Variants in SPATA16 observed in about 807,000 individuals in gnomAD.
The protein encoded by SPATA16 is spermatogenesis-associated protein 16.
A neutral mutation model predicts 63.3 loss-of-function variants in SPATA16; 36 were observed. That is an observed-to-expected ratio of 0.57 (90% CI 0.44 to 0.75). The LOEUF (loss-of-function observed/expected upper bound fraction) is 0.75. Among genes scored for constraint, SPATA16 ranks in the 30% least tolerant of loss-of-function variants. The pLI is 0.00. For synonymous variants in SPATA16, 203 were observed against 216.7 expected (o/e 0.94, Z 0.56); for missense variants, 646 against 679.3 (o/e 0.95, Z 0.54).
intron 10 of SPATA16, among the ~76,000 whole-genome samples, chr3:172,892,881 G>A (rs1194294164): frequency 1.3e-5 from 2 of 152,144 alleles, no homozygotes; most frequent in African/African-American, 4.8e-5. Flanking sequence ...TGAAAAATGG[G>A]CAGATAACTT....
In SPATA16 at chr3:172,956,794, C is replaced by T; in HGVS notation, c.964G>A (p.Glu322Lys). 6.2e-7 allele frequency: 1 copy of T among 1,613,354 alleles called. No homozygotes were observed. The highest frequency in any genetic ancestry group is 8.5e-7 in the Non-Finnish European group (1 of 1,179,558). Residue 322 changes from glutamate to lysine, a missense_variant, in exon 6 of 11, where the codon GAA becomes AAA. Transcript: ENST00000351008. ...AMIEEAITRA[E>K]SFSVMYTPFA... is the part of the protein sequence containing the mutation. ...GGTGTGTACATAACCGAGAAAGATTCAGCTCTGGTGATGGCTTCCTCAATC... is the reference window on the plus strand; with the variant it reads ...GGTGTGTACATAACCGAGAAAGATTTAGCTCTGGTGATGGCTTCCTCAATC...
chr3:172,937,093 G>A (rs1733016026), intron 6 of SPATA16, among the ~76,000 whole-genome samples: 1 of 152,154 alleles, frequency 6.6e-6, no homozygotes, highest in Non-Finnish European at 1.5e-5. Context: ...CGAACACCTA[G>A]TTAGTGTCAG....
chr3:172,917,382 G>A (rs922504369), intron 8 of SPATA16, among the ~76,000 whole-genome samples: 11 of 152,138 alleles, frequency 7.2e-5, no homozygotes, highest in African/African-American at 2.7e-4. Context: ...CATTTAGAGG[G>A]TGATGAGAAA....
At chr3:172,932,351 A>G (rs1253331265) in intron 6 of SPATA16, among the ~76,000 whole-genome samples, 1 of 152,084 alleles carries the variant, frequency 6.6e-6, no homozygotes, top group Non-Finnish European at 1.5e-5. Flanking sequence ...TGTCTGTGTC[A>G]TTTCCCTGAA....
intron 4 of SPATA16, among the ~76,000 whole-genome samples, chr3:172,981,841 G>A (rs1203783145): frequency 1.3e-5 from 2 of 152,166 alleles, no homozygotes; most frequent in Non-Finnish European, 2.9e-5. Context: ...TATAAATAAC[G>A]TGTTAACGGA....
At chr3:172,943,148 TA>T (rs1560074253) in intron 6 of SPATA16, among the ~76,000 whole-genome samples, 2 of 151,826 alleles carry the variant, frequency 1.3e-5, no homozygotes, top group Non-Finnish European at 2.9e-5. Flanking sequence ...AAACAGGACA[TA>T]AAAGAAATAA....
At chr3:173,030,869 C>T (rs1735588545) in intron 3 of SPATA16, among the ~76,000 whole-genome samples, 1 of 151,976 alleles carries the variant, frequency 6.6e-6, no homozygotes, top group Non-Finnish European at 1.5e-5. Flanking sequence ...AACATGGTAT[C>T]TAACATACAA....
intron 4 of SPATA16, among the ~76,000 whole-genome samples, chr3:173,010,435 C>CGTGTGTGCGTGT (rs1735042433): frequency 7.1e-6 from 1 of 141,310 alleles, no homozygotes; most frequent in Non-Finnish European, 1.5e-5. Context: ...CACGTTGTGG[C>CGTGTGTGCGTGT]GTGTGTGTGT....
intron 5 of SPATA16, among the ~76,000 whole-genome samples, chr3:172,974,549 A>G (rs544588445): frequency 2.0e-4 from 30 of 152,086 alleles, no homozygotes; most frequent in African/African-American, 6.5e-4. Context: ...GAATGTATAC[A>G]TTTGAATCAA....
chr3:173,032,689 A>G (rs1735633891), intron 3 of SPATA16, among the ~76,000 whole-genome samples: 2 of 152,128 alleles, frequency 1.3e-5, no homozygotes, highest in African/African-American at 2.4e-5. Context: ...CATGCAGTGA[A>G]ATGCCTTCTT....
chr3:173,012,763 A>G (rs139085773), intron 4 of SPATA16, among the ~76,000 whole-genome samples: 1 of 152,260 alleles, frequency 6.6e-6, no homozygotes, highest in African/African-American at 2.4e-5. Flanking sequence ...CTTTCACCAT[A>G]CACAAAAATT....
chr3:173,131,074 C>G (rs1322885611), intron 1 of SPATA16, among the ~76,000 whole-genome samples: 3 of 152,144 alleles, frequency 2.0e-5, no homozygotes, highest in African/African-American at 4.8e-5. Flanking sequence ...TATTTGAGGA[C>G]TGATTGCATA....
chr3:173,096,865 AT>A (rs552951369), intron 2 of SPATA16, among the ~76,000 whole-genome samples: 245 of 152,242 alleles, frequency 1.6e-3, no homozygotes, highest in African/African-American at 5.6e-3. Flanking sequence ...ATGATGGAAT[AT>A]TATACAATCA....
At chr3:173,077,358 T>A (rs1736831919) in intron 2 of SPATA16, among the ~76,000 whole-genome samples, 1 of 152,114 alleles carries the variant, frequency 6.6e-6, no homozygotes. Context: ...TTTAAATACT[T>A]TAGGAGAAAA....
intron 2 of SPATA16, among the ~76,000 whole-genome samples, chr3:173,065,641 A>C (rs1249109380): frequency 1.3e-5 from 2 of 151,854 alleles, no homozygotes; most frequent in African/African-American, 4.8e-5. Flanking sequence ...TGCCTACACC[A>C]CTCCTCCTCC....
intron 4 of SPATA16, among the ~76,000 whole-genome samples, chr3:172,982,066 TG>T (rs1348624406): frequency 6.6e-6 from 1 of 152,230 alleles, no homozygotes; most frequent in Non-Finnish European, 1.5e-5. Context: ...GAATGGTGCC[TG>T]GCATGGTAGT....
intron 2 of SPATA16, among the ~76,000 whole-genome samples, chr3:173,064,402 T>C (rs1448153509): frequency 2.6e-5 from 4 of 151,882 alleles, no homozygotes; most frequent in Middle Eastern, 3.2e-3. Flanking sequence ...ATCACTTGAT[T>C]TTAATCCCAG....
At chr3:172,989,751 T>C (rs1734534745) in intron 4 of SPATA16, among the ~76,000 whole-genome samples, 1 of 152,190 alleles carries the variant, frequency 6.6e-6, no homozygotes, top group African/African-American at 2.4e-5. Flanking sequence ...GTCTTAACAC[T>C]GATAGTTTGG....
intron 3 of SPATA16, among the ~76,000 whole-genome samples, chr3:173,040,720 C>T (rs1042801634): frequency 3.3e-5 from 5 of 152,028 alleles, no homozygotes; most frequent in Admixed American, 2.6e-4. Context: ...GGATAATGAC[C>T]GTAATGCCAT....
Sources: allele counts gnomAD v4.1 joint callset (sites outside exome capture counted in the v4.1 genomes callset), GRCh38; gene constraint gnomAD v4.1.1; transcripts MANE v1.5; gene names NCBI Gene and HGNC (gene_info 2026-07-23, HGNC 2026-07-21).